Variants in FLVCR2 observed in about 807,000 individuals in gnomAD.
FLVCR2 encodes choline/ethanolamine transporter FLVCR2.
A neutral mutation model predicts 48.9 loss-of-function variants in FLVCR2; 38 were observed. That is an observed-to-expected ratio of 0.78 (90% CI 0.60 to 1.02). FLVCR2 has a LOEUF of 1.02. Among genes scored for constraint, FLVCR2 ranks in the 50% least tolerant of loss-of-function variants. The pLI, the probability that FLVCR2 is intolerant of heterozygous loss-of-function variation, is 0.00. For missense variants in FLVCR2, 664 were observed against 663.3 expected, an observed-to-expected ratio of 1.00 and a Z score of -0.01; for synonymous variants, 255 against 257.0, an observed-to-expected ratio of 0.99 and a Z score of 0.07.
Position 75,579,454 on chromosome 14 carries a change from A to C in FLVCR2, c.482A>C (p.Asn161Thr). The change falls in exon 1 of 10, where the codon AAC becomes ACC. Residue 161 changes from asparagine to threonine, a missense_variant. By Grantham distance (65) the Asn-to-Thr change is moderately conservative. Coordinates refer to ENST00000238667, the MANE Select transcript of FLVCR2 (RefSeq NM_017791.3). ...RTIALTGSAL[N>T]CLGAWVKLGS... ...ATTGCTCTCACTGGCTCGGCTCTCA[A>C]CTGCCTGGGGGCCTGGGTGAAGCTG... is the stretch of plus-strand genomic sequence containing the variant. 2.5e-6 allele frequency: 4 copies of C among 1,613,810 alleles called. No homozygotes were observed. The highest frequency in any genetic ancestry group is 3.4e-6 in the Non-Finnish European group (4 of 1,179,906).
intron 1 of FLVCR2, chr14:75,596,052 A>T: frequency 7.8e-7 from 1 of 1,277,514 alleles, no homozygotes. Context: ...GATGACATCC[A>T]GTGTGGTCTT....
chr14:75,633,907 C>A (rs1890103774), intron 4 of FLVCR2, among the ~76,000 whole-genome samples: 1 of 151,582 alleles, frequency 6.6e-6, no homozygotes, highest in Non-Finnish European at 1.5e-5. Context: ...GACAGTGTGA[C>A]AAGCTAGTTA....
At chr14:75,645,323 G>A (rs1411690103) in intron 9 of FLVCR2, among the ~76,000 whole-genome samples, 6 of 152,310 alleles carry the variant, frequency 3.9e-5, no homozygotes, top group African/African-American at 1.4e-4. Flanking sequence ...CTTGAGTAGT[G>A]TTGGCTGTGT....
At chr14:75,644,644 G>A (rs538868145) in intron 9 of FLVCR2, among the ~76,000 whole-genome samples, 2 of 152,242 alleles carry the variant, frequency 1.3e-5, no homozygotes, top group African/African-American at 2.4e-5. Context: ...ATTATGGGGG[G>A]TCAAAGTCAT....
At chr14:75,587,564 G>C (rs569854381) in intron 1 of FLVCR2, among the ~76,000 whole-genome samples, 1 of 152,300 alleles carries the variant, frequency 6.6e-6, no homozygotes, top group African/African-American at 2.4e-5. Context: ...GCTGGGATGA[G>C]GGAGGGAAGA....
intron 1 of FLVCR2, among the ~76,000 whole-genome samples, chr14:75,587,324 A>G (rs781006530): frequency 2.0e-5 from 3 of 148,712 alleles, no homozygotes; most frequent in Non-Finnish European, 4.5e-5. Context: ...GCATACATGT[A>G]AAAAAAAAAG....
rs751059938 is a variant in FLVCR2 at position 75,579,099 on chromosome 14, C to A, written c.127C>A (p.Pro43Thr). The A allele has an allele frequency of 1.2e-6, 2 of 1,614,066 alleles. No individual in the cohort carries two copies. The highest frequency in any genetic ancestry group is 4.5e-5 in the East Asian group (2 of 44,858). Residue 43 changes from proline to threonine, a missense_variant, in exon 1 of 10, where the codon CCC becomes ACC. Pro to Thr is a conservative substitution (Grantham distance 38). Coordinates refer to ENST00000238667, the MANE Select transcript of FLVCR2 (RefSeq NM_017791.3). The stretch of plus-strand genomic sequence containing the variant: ...GGTCCATCCCAGCGTCTCCATCAAC[C>A]CCAGCGTCTCTGTCCACCCCAGCAG... Reference protein sequence around the residue: ...VSVHPSVSINPSVSVHPSSSA... With the variant: ...VSVHPSVSINTSVSVHPSSSA...
intron 1 of FLVCR2, among the ~76,000 whole-genome samples, chr14:75,580,864 G>A (rs2140000281): frequency 6.6e-6 from 1 of 152,294 alleles, no homozygotes; most frequent in South Asian, 2.1e-4. Context: ...CAGGCAATCT[G>A]GATTGCCTGA....
chr14:75,644,777 A>C (rs1397302389), intron 9 of FLVCR2, among the ~76,000 whole-genome samples: 1 of 152,162 alleles, frequency 6.6e-6, no homozygotes, highest in African/African-American at 2.4e-5. Flanking sequence ...ATTCATTGTC[A>C]GAGTCAGGTG....
chr14:75,582,737 C>G (rs937866970), intron 1 of FLVCR2, among the ~76,000 whole-genome samples: 6 of 151,920 alleles, frequency 3.9e-5, no homozygotes, highest in African/African-American at 1.5e-4. Context: ...TTTTAAGGAA[C>G]GGAAAGAGGA....
At chr14:75,631,940 G>A in intron 3 of FLVCR2, 1 of 432,696 alleles carries the variant, frequency 2.3e-6, no homozygotes, top group East Asian at 7.0e-5. Flanking sequence ...GACATGTCTG[G>A]GTTGGTTGGC....
chr14:75,591,698 T>A (rs1330046729), intron 1 of FLVCR2, among the ~76,000 whole-genome samples: 1 of 152,006 alleles, frequency 6.6e-6, no homozygotes, highest in Non-Finnish European at 1.5e-5. Flanking sequence ...TCCTCTGCTG[T>A]GGCCTCACAT....
chr14:75,591,288 C>T (rs1178680623), intron 1 of FLVCR2, among the ~76,000 whole-genome samples: 1 of 152,232 alleles, frequency 6.6e-6, no homozygotes, highest in East Asian at 1.9e-4. Context: ...AGTGATCCTA[C>T]CACCTTGGCC....
At chr14:75,634,871 C>T in intron 4 of FLVCR2, 39 bp from the exon 5 acceptor site, 1 of 1,413,836 alleles carries the variant, frequency 7.1e-7, no homozygotes, top group Non-Finnish European at 1.0e-6. Context: ...TGGGTCTTGT[C>T]CCATCGCCGG....
At chr14:75,606,516 A>G (rs1264665805) in intron 1 of FLVCR2, among the ~76,000 whole-genome samples, 1 of 152,134 alleles carries the variant, frequency 6.6e-6, no homozygotes, top group Non-Finnish European at 1.5e-5. Context: ...AGACAGGAAC[A>G]CACCTCTCTC....
At chr14:75,595,274 G>A (rs1334525906) in intron 1 of FLVCR2, among the ~76,000 whole-genome samples, 3 of 152,196 alleles carry the variant, frequency 2.0e-5, no homozygotes, top group Non-Finnish European at 4.4e-5. Context: ...ATAAGCAATG[G>A]CCCCTAGGTT....
chr14:75,639,158 C>T (rs568677886), intron 5 of FLVCR2, among the ~76,000 whole-genome samples, 194 bp from the exon 6 acceptor site: 1 of 152,234 alleles, frequency 6.6e-6, no homozygotes, highest in African/African-American at 2.4e-5. Context: ...TTTCAGCGAG[C>T]TGTGATCACG....
At chr14:75,628,793 AG>A in intron 3 of FLVCR2, among the ~76,000 whole-genome samples, 1 of 152,212 alleles carries the variant, frequency 6.6e-6, no homozygotes, top group East Asian at 1.9e-4. Context: ...CACCCCCACT[AG>A]AAAACAGTAA....
chr14:75,578,697 G>A lies in FLVCR2; in HGVS notation c.-276G>A, dbSNP rs1888513138. The A allele has an allele frequency of 1.8e-6, 1 of 554,368 alleles. No individual in the cohort carries two copies. Among genetic ancestry groups the A allele is most frequent in the Non-Finnish European group, 3.2e-6 (1 of 310,262 alleles). 34.3% of individuals were successfully genotyped at this position (554,368 alleles called of 1,614,324 possible). A position where few individuals can be genotyped will look rare whatever the true frequency, so the allele number is the denominator to read the frequency against. ...AGGAACGCCTCGTGGGGAGACCCAA[G>A]GCAGGAGCGGTCCGGAGCCGGCTGC... On this transcript the variant is annotated 5_prime_UTR_variant, in exon 1 of 10. Transcript: ENST00000238667.
Sources: gnomAD v4.1 joint callset for allele counts (sites outside exome capture counted in the v4.1 genomes callset) on GRCh38, gnomAD v4.1.1 for gene constraint, MANE v1.5 for transcripts, NCBI Gene and HGNC (gene_info 2026-07-23, HGNC 2026-07-21) for gene names.